The following ALDH1L2 variants were observed in gnomAD, a reference collection of about 807,000 sequenced individuals.
ALDH1L2 encodes the protein aldehyde dehydrogenase 1 family member L2, also known as mitochondrial 10-formyltetrahydrofolate dehydrogenase.
In ALDH1L2, 91 loss-of-function variants were observed where a neutral mutation model predicts 111.0. The ratio of observed to expected loss-of-function variants is 0.82; its 90% CI spans 0.69 to 0.98. ALDH1L2 has a LOEUF of 0.98. Ranked by LOEUF, ALDH1L2 falls within the 50% of genes least tolerant of loss-of-function variation. The pLI, the probability that ALDH1L2 is intolerant of heterozygous loss-of-function variation, is 0.00. For synonymous variants in ALDH1L2, 374 were observed against 392.6 expected, an observed-to-expected ratio of 0.95 and a Z score of 0.56; for missense variants, 995 against 1,126.8, an observed-to-expected ratio of 0.88 and a Z score of 1.67.
At chr12:105,067,741 A>G (rs1877457486) in intron 4 of ALDH1L2, among the ~76,000 whole-genome samples, 1 of 152,152 alleles carries the variant, frequency 6.6e-6, no homozygotes. Flanking sequence ...CCACAGGGGA[A>G]CAGAGCCAAG....
intron 17 of ALDH1L2, among the ~76,000 whole-genome samples, chr12:105,038,735 A>G (rs1168739029): frequency 1.3e-5 from 2 of 152,198 alleles, no homozygotes; most frequent in Non-Finnish European, 2.9e-5. Context: ...AATGGTGATT[A>G]CCATTGAAGC....
intron 10 of ALDH1L2, among the ~76,000 whole-genome samples, chr12:105,056,537 ATC>A (rs1876640813): frequency 6.6e-6 from 1 of 152,070 alleles, no homozygotes; most frequent in Non-Finnish European, 1.5e-5. Flanking sequence ...TTTTAACTCT[ATC>A]TCATTAAAAA....
Position 105,046,777 on chromosome 12 carries a change from A to G in ALDH1L2, c.1796T>C (p.Met599Thr). The change falls in exon 15 of 23, where the codon ATG (methionine) becomes ACG (threonine). Residue 599 changes from methionine to threonine, a missense_variant. By Grantham distance (81) the Met-to-Thr change is moderately conservative. Transcript: ENST00000258494. ...AIIIPWNYPLMMLAWKSAACL... is the reference protein window; with the variant it reads ...AIIIPWNYPLTMLAWKSAACL... ...CGCAGCACTCTTCCATGCCAGCATC[A>G]TCAGCGGGTAGTTCCAGGGAATAAT... 1 of 1,614,186 alleles carries G rather than the reference A, an allele frequency of 6.2e-7. No homozygotes were observed.
intron 1 of ALDH1L2, 143 bp downstream of exon 1, chr12:105,084,246 G>T: frequency 9.8e-7 from 1 of 1,017,078 alleles, no homozygotes; most frequent in Non-Finnish European, 1.3e-6. Context: ...TTGTTTGTTT[G>T]TTTGTTTTAA....
At chr12:105,047,075 A>G in intron 13 of ALDH1L2, 106 bp from the exon 14 acceptor site, 1 of 1,263,084 alleles carries the variant, frequency 7.9e-7, no homozygotes, top group Admixed American at 1.9e-5. Flanking sequence ...GTTAGCTGAT[A>G]TGAAAAGAGC....
chr12:105,053,703 T>C (rs1430981792), intron 10 of ALDH1L2, among the ~76,000 whole-genome samples: 1 of 152,192 alleles, frequency 6.6e-6, no homozygotes, highest in African/African-American at 2.4e-5. Context: ...TTATGTGGGT[T>C]ATAATGAAGG....
At chr12:105,038,724 G>A (rs751877579) in intron 17 of ALDH1L2, among the ~76,000 whole-genome samples, 13 of 152,118 alleles carry the variant, frequency 8.5e-5, no homozygotes, top group Non-Finnish European at 1.6e-4. Flanking sequence ...ACAGATGGTA[G>A]AATGGTGATT....
chr12:105,083,281 G>C (rs1488672305), intron 1 of ALDH1L2, among the ~76,000 whole-genome samples: 1 of 152,208 alleles, frequency 6.6e-6, no homozygotes, highest in Non-Finnish European at 1.5e-5. Context: ...AGCTAATGAG[G>C]GGTCCAGGAG....
intron 1 of ALDH1L2, among the ~76,000 whole-genome samples, chr12:105,079,552 GA>G (rs1292468670): frequency 3.3e-5 from 5 of 152,158 alleles, no homozygotes; most frequent in African/African-American, 1.2e-4. Context: ...GGTGACCACA[GA>G]ACACTTCAAA....
chr12:105,062,451 C>T (rs1235072006), intron 7 of ALDH1L2, among the ~76,000 whole-genome samples: 1 of 152,204 alleles, frequency 6.6e-6, no homozygotes, highest in Non-Finnish European at 1.5e-5. Flanking sequence ...GGCCCAGGGC[C>T]AACCCTCCTG....
At chr12:105,078,750 A>C (rs1878195785) in intron 1 of ALDH1L2, among the ~76,000 whole-genome samples, 1 of 152,232 alleles carries the variant, frequency 6.6e-6, no homozygotes, top group African/African-American at 2.4e-5. Context: ...ATAAGAGAGC[A>C]CAGTTTGGTT....
At chr12:105,054,343 T>C (rs1876482911) in intron 10 of ALDH1L2, among the ~76,000 whole-genome samples, 1 of 152,118 alleles carries the variant, frequency 6.6e-6, no homozygotes, top group African/African-American at 2.4e-5. Context: ...ATAAAAGCAA[T>C]GAGAACACTA....
At chr12:105,024,756 T>G (rs914002463) in intron 22 of ALDH1L2, among the ~76,000 whole-genome samples, 1 of 152,242 alleles carries the variant, frequency 6.6e-6, no homozygotes, top group Non-Finnish European at 1.5e-5. Flanking sequence ...GACCACACTT[T>G]GAATAGTAAC....
chr12:105,074,066 G>C (rs904749467), intron 1 of ALDH1L2, 61 bp from the exon 2 acceptor site: 50 of 1,596,966 alleles, frequency 3.1e-5, no homozygotes, highest in Non-Finnish European at 4.2e-5. Context: ...ATGAGGGTGA[G>C]GGTTAAAAAA....
In ALDH1L2 at chr12:105,030,325, C is replaced by T; in HGVS notation, c.2515G>A (p.Gly839Arg). The T allele has an allele frequency of 6.2e-7, 1 of 1,607,362 alleles. No homozygotes were observed. The highest frequency in any genetic ancestry group is 1.7e-4 in the Middle Eastern group (1 of 6,044). Residue 839 changes from glycine (G) to arginine (R), a missense_variant and splice_region_variant, in exon 21 of 23, where the codon GGG becomes AGG. Transcript: ENST00000258494. ...PIMVISKFQN[G>R]DIDGVLQRAN... The stretch of plus-strand genomic sequence containing the variant: ...TTACATTGTGTCTGAAGAACCTACC[C>T]ATTTTGGAATTTAGAAATGACCATA...
rs773854227 is a variant in ALDH1L2, at chr12:105,050,024, G to A, written c.1570C>T (p.Leu524=). The A allele has an allele frequency of 6.2e-7, 1 of 1,607,522 alleles. No homozygotes were observed. Among genetic ancestry groups the A allele is most frequent in the East Asian group, 2.2e-5 (1 of 44,720 alleles). The change falls in exon 13 of 23, where the codon CTG becomes TTG. Residue 524 remains leucine, a synonymous_variant. Coordinates refer to ENST00000258494, the MANE Select transcript of ALDH1L2 (RefSeq NM_001034173.4). ...GAATCAAGGGCTTCAATAGTTGCCA[G>A]CTCTTCTTGGTTCTCTTCCAGTAGG... ...ADLLEENQEE[L]ATIEALDSGA...
intron 16 of ALDH1L2, among the ~76,000 whole-genome samples, chr12:105,040,139 A>AC (rs1218548450): frequency 6.6e-6 from 1 of 151,506 alleles, no homozygotes; most frequent in Non-Finnish European, 1.5e-5. Context: ...AAAAAAAAAA[A>AC]AAAAAAAAAA....
At position 105,030,448 on chromosome 12, in the gene ALDH1L2, G is replaced by A. The variant is rs1183903021; in HGVS notation, c.2411-19C>T. 4 of 1,592,142 alleles carry A rather than the reference G, an allele frequency of 2.5e-6. No homozygotes were observed. Among genetic ancestry groups the A allele is most frequent in the African/African-American group, 2.7e-5 (2 of 74,048 alleles). On this transcript the variant is annotated intron_variant, in intron 20 of 22. Transcript: ENST00000258494. ...AAAAAGCCTTTTTGGAAAAAACAAA[G>A]AAAAAATGTCAACTGTAGGTTAAGT... is the stretch of plus-strand genomic sequence containing the variant.
In ALDH1L2 at chr12:105,023,195, C is replaced by G. The variant is rs574355291; in HGVS notation, c.*1229G>C. 1 of 152,202 alleles carries G rather than the reference C, an allele frequency of 6.6e-6. No homozygotes were observed. The highest frequency in any genetic ancestry group is 1.9e-4 in the East Asian group (1 of 5,200). The allele number at this position is 152,202 out of a possible 1,614,324, so 9.4% of individuals were successfully genotyped here. A position where few individuals can be genotyped will look rare whatever the true frequency, so the allele number is the denominator to read the frequency against. ...ATTTGATTTTCATTTTATAGATACT[C>G]AACCTAGGCTCTGAGATATTAGATT... On this transcript the variant is annotated 3_prime_UTR_variant, in exon 23 of 23. Coordinates refer to ENST00000258494, the MANE Select transcript of ALDH1L2 (RefSeq NM_001034173.4).
Sources: gnomAD v4.1 joint callset for allele counts (sites outside exome capture counted in the v4.1 genomes callset) on GRCh38, gnomAD v4.1.1 for gene constraint, MANE v1.5 for transcripts, NCBI Gene and HGNC (gene_info 2026-07-23, HGNC 2026-07-21) for gene names.